ADH1C: variants seen among roughly 807,000 people sequenced by gnomAD.
ADH1C encodes the protein alcohol dehydrogenase 1C.
Under a neutral mutation model 35.0 loss-of-function variants are expected in ADH1C, and 26 were observed. The ratio of observed to expected loss-of-function variants is 0.74; its 90% CI spans 0.54 to 1.03. The LOEUF is 1.03. Among genes scored for constraint, ADH1C ranks in the 50% least tolerant of loss-of-function variants. ADH1C has a pLI of 0.00. For synonymous variants in ADH1C, 170 were observed against 169.3 expected, an observed-to-expected ratio of 1.00 and a Z score of -0.03; for missense variants, 413 against 465.4, an observed-to-expected ratio of 0.89 and a Z score of 1.04.
rs747056116 is a variant in ADH1C at position 99,343,064 on chromosome 4, T to C, written c.568-9A>G. On this transcript the variant is annotated splice_polypyrimidine_tract_variant and intron_variant, in intron 5 of 8. Coordinates refer to ENST00000515683, the MANE Select transcript of ADH1C (RefSeq NM_000669.5). ...GTAGACCCTGGGGTGACCTATGTTT[T>C]CAGAAAATGCAAAAATGAATTAAAT... 3 of 1,605,564 alleles carry C rather than the reference T, an allele frequency of 1.9e-6. No individual in the cohort carries two copies. The South Asian group carries it at 3.4e-5, about 18-fold the overall frequency.
chr4:99,342,822 A>T lies in ADH1C; in HGVS notation c.801T>A (p.Phe267Leu), dbSNP rs545631323. The T allele has an allele frequency of 1.1e-4, 172 of 1,614,044 alleles. 3 individuals are homozygous for T. In the South Asian group the frequency reaches 1.8e-3, roughly 17 times the overall value. ...TGGTGTCAAGCCGACCGATGACTTC[A>T]AACGAAAAATCCACACCTCCATCAG... The part of the protein sequence containing the change: ...EMTDGGVDFS[F>L]EVIGRLDTMM... Residue 267 changes from phenylalanine (F) to leucine (L), a missense_variant, in exon 6 of 9, where the codon TTT (phenylalanine) becomes TTA (leucine). Physicochemically the swap from Phe to Leu is conservative, Grantham distance 22. Coordinates refer to ENST00000515683, the MANE Select transcript of ADH1C (RefSeq NM_000669.5).
chr4:99,352,310 T>G (rs1201076030), intron 1 of ADH1C, among the ~76,000 whole-genome samples: 1 of 152,200 alleles, frequency 6.6e-6, no homozygotes, highest in Non-Finnish European at 1.5e-5. Context: ...CTTTTCTAAC[T>G]TTAGGTTTAC....
intron 4 of ADH1C, 27 bp downstream of exon 4, chr4:99,345,152 T>A (rs1734501890): frequency 1.2e-6 from 2 of 1,613,778 alleles, no homozygotes; most frequent in East Asian, 4.5e-5. Context: ...ACTCAAAGTC[T>A]GTGCAAAGAA....
intron 8 of ADH1C, among the ~76,000 whole-genome samples, chr4:99,339,117 T>C (rs1693476): frequency 0.31 from 47,461 of 151,972 alleles, 8,851 homozygotes; most frequent in Non-Finnish European, 0.41. Context: ...GAAATCAATC[T>C]CAATGTAGTT....
At position 99,346,930 on chromosome 4, in the gene ADH1C, C is replaced by T. The variant is rs1186357220; in HGVS notation, c.259+76G>A. ...GTGCAAGTCCTTTCGTCTTTCATTG[C>T]CTCGGTTTCCTCATCCAGGCTGACT... On this transcript the variant is annotated intron_variant, in intron 3 of 8. Coordinates refer to ENST00000515683, the MANE Select transcript of ADH1C (RefSeq NM_000669.5). 2.6e-6 allele frequency: 4 copies of T among 1,556,592 alleles called. No individual in the cohort carries two copies. In the African/African-American group the frequency reaches 5.5e-5, roughly 21 times the overall value.
chr4:99,339,169 A>G (rs1180131662), intron 8 of ADH1C, among the ~76,000 whole-genome samples: 2 of 152,176 alleles, frequency 1.3e-5, no homozygotes, highest in African/African-American at 4.8e-5. Flanking sequence ...TGTCCTGAAA[A>G]TAATTTTAAT....
intron 6 of ADH1C, among the ~76,000 whole-genome samples, chr4:99,341,817 TA>T (rs1734421764): frequency 6.6e-6 from 1 of 152,102 alleles, no homozygotes; most frequent in Non-Finnish European, 1.5e-5. Context: ...AAAGATGACA[TA>T]AGCACTGCAA....
chr4:99,352,215 T>TAA (rs10634918), intron 1 of ADH1C, among the ~76,000 whole-genome samples: 1 of 152,112 alleles, frequency 6.6e-6, no homozygotes, highest in African/African-American at 2.4e-5. Flanking sequence ...TTGTCAGACT[T>TAA]CTTGTGTTCA....
At chr4:99,341,417 G>A (rs1167955556) in intron 6 of ADH1C, among the ~76,000 whole-genome samples, 1 of 152,180 alleles carries the variant, frequency 6.6e-6, no homozygotes, top group East Asian at 1.9e-4. Flanking sequence ...TTGGGAGACT[G>A]ACATCCTCAG....
At chr4:99,342,708 C>T in intron 6 of ADH1C, 87 bp downstream of exon 6, 1 of 1,555,262 alleles carries the variant, frequency 6.4e-7, no homozygotes, top group Non-Finnish European at 8.7e-7. Flanking sequence ...TAAAAATATC[C>T]TTTATACATA....
At chr4:99,336,986 A>G (rs532805776) in intron 8 of ADH1C, among the ~76,000 whole-genome samples, 1 of 152,236 alleles carries the variant, frequency 6.6e-6, no homozygotes, top group East Asian at 1.9e-4. Context: ...TCTTAAGCTC[A>G]CTCAAAACCT....
At chr4:99,340,245 C>G (rs1008605675) in intron 7 of ADH1C, among the ~76,000 whole-genome samples, 2 of 152,040 alleles carry the variant, frequency 1.3e-5, no homozygotes, top group African/African-American at 2.4e-5. Flanking sequence ...ATAGTGAACC[C>G]TCATCTCTAC....
At chr4:99,336,897 C>A (rs1693453) in intron 8 of ADH1C, 121 bp from the exon 9 acceptor site, 1,292,921 of 1,378,450 alleles carry the variant, frequency 0.94, 606,826 homozygotes, top group East Asian at 1. Context: ...CAGCCACTCC[C>A]TTCCCATCCC....
intron 8 of ADH1C, 41 bp downstream of exon 8, chr4:99,339,536 G>A (rs1433868055): frequency 2.4e-6 from 3 of 1,247,692 alleles, no homozygotes; most frequent in South Asian, 1.5e-5. Flanking sequence ...CGCCGCTACT[G>A]TAGAATACAA....
chr4:99,346,934 G>A (rs1478945759), intron 3 of ADH1C, 72 bp downstream of exon 3: 20 of 1,559,986 alleles, frequency 1.3e-5, no homozygotes, highest in East Asian at 1.2e-4. Context: ...TCATTGCCTC[G>A]GTTTCCTCAT....
chr4:99,345,339 A>G (rs1461251660), intron 3 of ADH1C, 73 bp from the exon 4 acceptor site: 3 of 1,388,658 alleles, frequency 2.2e-6, no homozygotes, highest in East Asian at 2.4e-5. Flanking sequence ...TAACGCTCAC[A>G]TGTATAGATT....
chr4:99,340,668 C>A lies in ADH1C; in HGVS notation c.871G>T (p.Val291Phe), dbSNP rs1243038295. Residue 291 changes from valine (V) to phenylalanine (F), a missense_variant, in exon 7 of 9, where the codon GTC becomes TTC. Coordinates refer to ENST00000515683, the MANE Select transcript of ADH1C (RefSeq NM_000669.5). ...GAATCAGGAGGTACCCCTACAATGA[C>A]ACTTGTGCCACATGCCTCATGACAA... ...LCCHEACGTS[V>F]IVGVPPDSQN... The A allele has an allele frequency of 5.6e-6, 9 of 1,613,092 alleles. 1 individual carries two copies. In the Admixed American group the frequency reaches 1.5e-4, roughly 27 times the overall value.
At chr4:99,350,665 A>G (rs774199181) in intron 1 of ADH1C, among the ~76,000 whole-genome samples, 5 of 152,194 alleles carry the variant, frequency 3.3e-5, no homozygotes, top group Non-Finnish European at 5.9e-5. Context: ...GGAAGTTTCC[A>G]TATTTTTGCA....
At position 99,346,815 on chromosome 4, in the gene ADH1C, C is replaced by G. The variant is rs114017217; in HGVS notation, c.259+191G>C. Among the ~76,000 whole-genome samples the G allele has an allele frequency of 3.3e-3, 495 of 152,134 alleles. 3 individuals are homozygous for G. The highest frequency in any genetic ancestry group is 0.011 in the African/African-American group (448 of 41,508). ...CATAATGGTTGAAGGGTAGAATACA[C>G]GCATGCCTGCCTGAAGTCATACATG... On this transcript the variant is annotated intron_variant, in intron 3 of 8. Coordinates refer to ENST00000515683, the MANE Select transcript of ADH1C (RefSeq NM_000669.5).
Sources: allele counts gnomAD v4.1 joint callset (sites outside exome capture counted in the v4.1 genomes callset), GRCh38; gene constraint gnomAD v4.1.1; transcripts MANE v1.5; gene names NCBI Gene and HGNC (gene_info 2026-07-23, HGNC 2026-07-21).